The following EXT1 variants were observed in gnomAD, a reference collection of about 807,000 sequenced individuals.
EXT1 encodes exostosin glycosyltransferase 1.
EXT1 carries 20 observed loss-of-function variants against 82.5 expected under a neutral mutation model. The observed-to-expected ratio is 0.24, with a 90% CI of 0.17 to 0.35. The LOEUF (loss-of-function observed/expected upper bound fraction) is 0.35, where lower values mean the gene tolerates loss of function less well. EXT1 is among the 10% of genes least tolerant of loss of function. EXT1 has a pLI of 1.00. For missense variants in EXT1, 757 were observed against 936.5 expected (o/e 0.81, Z 2.50); for synonymous variants, 348 against 350.8 (o/e 0.99, Z 0.09).
intron 1 of EXT1, among the ~76,000 whole-genome samples, chr8:117,979,115 G>A (rs1223447892): frequency 6.6e-6 from 1 of 152,136 alleles, no homozygotes; most frequent in Non-Finnish European, 1.5e-5. Flanking sequence ...AGCACTTCAA[G>A]AGGCCGAGGC....
At chr8:117,878,507 G>T (rs1586259407) in intron 1 of EXT1, among the ~76,000 whole-genome samples, 1 of 152,288 alleles carries the variant, frequency 6.6e-6, no homozygotes, top group Non-Finnish European at 1.5e-5. Flanking sequence ...CTGCCTTCAT[G>T]GAGCCCTTAT....
At position 118,110,097 on chromosome 8, in the gene EXT1, G is replaced by T. The variant is rs748945641; in HGVS notation, c.950C>A (p.Thr317Asn). 3 of 1,613,978 alleles carry T rather than the reference G, an allele frequency of 1.9e-6. No homozygotes were observed. The highest frequency in any genetic ancestry group is 1.3e-5 in the African/African-American group (1 of 74,910). The part of the protein sequence containing the change: ...HKDSRCDRDN[T>N]EYEKYDYREM... ...CCCAGACACTTACTTCTCATACTCGGTGTTGTCTCTGTCACAGCGAGAATC... is the reference window on the plus strand; with the variant it reads ...CCCAGACACTTACTTCTCATACTCGTTGTTGTCTCTGTCACAGCGAGAATC... Residue 317 changes from threonine (T) to asparagine (N), a missense_variant, in exon 1 of 11, where the codon ACC becomes AAC. Physicochemically the swap from Thr to Asn is moderately conservative, Grantham distance 65. Coordinates refer to ENST00000378204, the MANE Select transcript of EXT1 (RefSeq NM_000127.3).
chr8:118,018,622 T>C (rs1386202467), intron 1 of EXT1, among the ~76,000 whole-genome samples: 16 of 152,226 alleles, frequency 1.1e-4, no homozygotes, highest in Admixed American at 9.8e-4. Context: ...TAAAAATCTG[T>C]GTGTGCCACT....
At chr8:118,075,389 T>C (rs1440666614) in intron 1 of EXT1, among the ~76,000 whole-genome samples, 1 of 152,206 alleles carries the variant, frequency 6.6e-6, no homozygotes. Flanking sequence ...CTCCTAAGGA[T>C]ACATAGCAGG....
At position 117,990,171 on chromosome 8, in the gene EXT1, T is replaced by TA. The variant is rs928755685; in HGVS notation, c.962+119913dup. Among the ~76,000 whole-genome samples the TA allele has an allele frequency of 1.4e-4, 21 of 150,546 alleles. 1 individual carries two copies. Among genetic ancestry groups the TA allele is most frequent in the Middle Eastern group, 6.8e-3 (2 of 292 alleles). ...CTAGGCGACAGAGCGAGACTCCGCC[T>TA]AAAAAAAAAGAGAAAAGAAGAAAAG... On this transcript the variant is annotated intron_variant, in intron 1 of 10. Transcript: ENST00000378204.
At chr8:118,092,534 A>C (rs946636610) in intron 1 of EXT1, among the ~76,000 whole-genome samples, 1 of 152,218 alleles carries the variant, frequency 6.6e-6, no homozygotes, top group African/African-American at 2.4e-5. Context: ...ACAGCCACTG[A>C]CTTACTGCCC....
Position 117,795,634 on chromosome 8 carries a change from T to A in EXT1, c.*4078A>T, listed in dbSNP as rs1823079087. The A allele has an allele frequency of 6.6e-6, 1 of 151,956 alleles. No individual in the cohort carries two copies. 9.4% of individuals were successfully genotyped at this position (151,956 alleles called of 1,614,324 possible). A position where few individuals can be genotyped will look rare whatever the true frequency, so the allele number is the denominator to read the frequency against. On this transcript the variant is annotated 3_prime_UTR_variant, in exon 11 of 11. Coordinates refer to ENST00000378204, the MANE Select transcript of EXT1 (RefSeq NM_000127.3). Reference sequence around the variant, plus strand: ...CAACATAGCAAAACCCTGTCTCTAATAAATATACAAAAATTAGCCCAGTGT... The same window carrying A: ...CAACATAGCAAAACCCTGTCTCTAAAAAATATACAAAAATTAGCCCAGTGT...
At chr8:117,856,002 T>C (rs1812550173) in intron 1 of EXT1, among the ~76,000 whole-genome samples, 1 of 152,068 alleles carries the variant, frequency 6.6e-6, no homozygotes, top group Non-Finnish European at 1.5e-5. Context: ...CTAGAGATGA[T>C]TAAGCTTAGT....
chr8:117,858,872 A>G (rs17452819), intron 1 of EXT1, among the ~76,000 whole-genome samples: 6,217 of 61,678 alleles, frequency 0.1, 260 homozygotes, highest in Non-Finnish European at 0.16. Flanking sequence ...AAAGAAAGAA[A>G]GAAAGAAAGA....
intron 1 of EXT1, among the ~76,000 whole-genome samples, chr8:118,047,721 A>C (rs76726175): frequency 0.036 from 5,470 of 152,238 alleles, 151 homozygotes; most frequent in Non-Finnish European, 0.058. Context: ...AATACGAAAA[A>C]ATATCTGCTA....
At chr8:118,089,861 T>C (rs1817491100) in intron 1 of EXT1, among the ~76,000 whole-genome samples, 1 of 152,116 alleles carries the variant, frequency 6.6e-6, no homozygotes, top group Non-Finnish European at 1.5e-5. Flanking sequence ...TGTCTGCCTG[T>C]GTGTGCAAGC....
intron 1 of EXT1, among the ~76,000 whole-genome samples, chr8:118,092,658 G>A (rs974815007): frequency 6.6e-6 from 1 of 152,146 alleles, no homozygotes; most frequent in African/African-American, 2.4e-5. Flanking sequence ...GGACTAGGGG[G>A]ACTTTCGAAA....
At chr8:117,985,673 G>C (rs1291190871) in intron 1 of EXT1, among the ~76,000 whole-genome samples, 3 of 152,048 alleles carry the variant, frequency 2.0e-5, no homozygotes, top group Non-Finnish European at 4.4e-5. Flanking sequence ...AAAAAAAACT[G>C]TTCATTAGAG....
chr8:117,945,514 AT>A (rs1814370318), intron 1 of EXT1, among the ~76,000 whole-genome samples: 1 of 151,848 alleles, frequency 6.6e-6, no homozygotes, highest in African/African-American at 2.4e-5. Flanking sequence ...ATTTTATTTT[AT>A]TTTTGAGATG....
At chr8:117,806,242 T>C (rs1823234347) in intron 9 of EXT1, among the ~76,000 whole-genome samples, 1 of 152,176 alleles carries the variant, frequency 6.6e-6, no homozygotes, top group Admixed American at 6.5e-5. Context: ...CAACATAGAA[T>C]CCACAGTGGA....
chr8:117,938,611 A>G (rs1181833253), intron 1 of EXT1, among the ~76,000 whole-genome samples: 1 of 152,248 alleles, frequency 6.6e-6, no homozygotes, highest in Non-Finnish European at 1.5e-5. Flanking sequence ...GGCATCACAG[A>G]AAGTTCTCCT....
At chr8:117,821,646 G>A (rs1027233340) in intron 5 of EXT1, among the ~76,000 whole-genome samples, 1 of 152,212 alleles carries the variant, frequency 6.6e-6, no homozygotes, top group Non-Finnish European at 1.5e-5. Context: ...AACTAAACAT[G>A]TACAACTTAA....
At chr8:118,026,733 T>C (rs1816209209) in intron 1 of EXT1, among the ~76,000 whole-genome samples, 1 of 152,178 alleles carries the variant, frequency 6.6e-6, no homozygotes, top group Non-Finnish European at 1.5e-5. Context: ...CATTAGCTAC[T>C]ACAAACAACC....
At chr8:117,898,796 A>G (rs1220409701) in intron 1 of EXT1, among the ~76,000 whole-genome samples, 4 of 151,956 alleles carry the variant, frequency 2.6e-5, no homozygotes, top group Admixed American at 2.0e-4. Flanking sequence ...GATGGTTTCC[A>G]CATTACCTAC....
Sources: gnomAD v4.1 joint callset for allele counts (sites outside exome capture counted in the v4.1 genomes callset) on GRCh38, gnomAD v4.1.1 for gene constraint, MANE v1.5 for transcripts, NCBI Gene and HGNC (gene_info 2026-07-23, HGNC 2026-07-21) for gene names.